Variants in SPAG16 observed in about 807,000 individuals in gnomAD.
The protein encoded by SPAG16 is sperm associated antigen 16.
A neutral mutation model predicts 80.4 loss-of-function variants in SPAG16; 86 were observed. The ratio of observed to expected loss-of-function variants is 1.07; its 90% CI spans 0.90 to 1.28. SPAG16 has a LOEUF of 1.28. Ranked by LOEUF, SPAG16 falls within the 50% of genes most tolerant of loss-of-function variation. The pLI is 0.00. For missense variants in SPAG16, 870 were observed against 765.3 expected, an observed-to-expected ratio of 1.14 and a Z score of -1.61; for synonymous variants, 294 against 265.9, an observed-to-expected ratio of 1.11 and a Z score of -1.03.
intron 15 of SPAG16, among the ~76,000 whole-genome samples, chr2:214,256,564 A>G (rs1690697673): frequency 4.6e-5 from 5 of 108,886 alleles, no homozygotes. Context: ...TCTGTATGTT[A>G]TAAATCTGGG....
intron 11 of SPAG16, among the ~76,000 whole-genome samples, chr2:213,880,402 A>G (rs1303546887): frequency 2.0e-5 from 3 of 152,134 alleles, no homozygotes; most frequent in Non-Finnish European, 2.9e-5. Flanking sequence ...ATTGTTTGAG[A>G]ATATTTTCTC....
Position 213,420,997 on chromosome 2 carries a change from A to G in SPAG16, c.942+45878A>G, listed in dbSNP as rs60271146. 9.2e-5 allele frequency among the ~76,000 whole-genome samples: 14 copies of G among 152,294 alleles called. 1 individual carries two copies. In the East Asian group the frequency reaches 2.5e-3, roughly 27 times the overall value. ...GGGGAGGTGTGGCCAGGGCTGCAGG[A>G]GAGTCACAGCTGGGGCTGCATCCTC... On this transcript the variant is annotated intron_variant, in intron 9 of 15. Transcript: ENST00000331683.
chr2:213,832,881 C>G (rs2073754956), intron 10 of SPAG16, among the ~76,000 whole-genome samples: 1 of 152,088 alleles, frequency 6.6e-6, no homozygotes, highest in African/African-American at 2.4e-5. Context: ...TTAAGAGAGT[C>G]AGCATGACCA....
At chr2:213,764,735 A>G (rs1218204402) in intron 10 of SPAG16, among the ~76,000 whole-genome samples, 1 of 152,160 alleles carries the variant, frequency 6.6e-6, no homozygotes, top group Admixed American at 6.5e-5. Context: ...AGAATATGGA[A>G]AAGATTATGA....
intron 15 of SPAG16, among the ~76,000 whole-genome samples, chr2:214,291,246 G>C (rs1028134756): frequency 1.4e-5 from 2 of 141,340 alleles, no homozygotes; most frequent in African/African-American, 5.3e-5. Context: ...GTCTATATAT[G>C]TCTTTGTAGG....
intron 13 of SPAG16, among the ~76,000 whole-genome samples, chr2:214,074,676 A>G (rs1260520336): frequency 6.6e-6 from 1 of 152,124 alleles, no homozygotes; most frequent in African/African-American, 2.4e-5. Flanking sequence ...AATATGAAGC[A>G]CTCCTGTAAG....
At chr2:213,350,701 T>C in intron 7 of SPAG16, 56 bp downstream of exon 7, 1 of 998,100 alleles carries the variant, frequency 1.0e-6, no homozygotes, top group Non-Finnish European at 1.5e-6. Context: ...TTTTTAATAA[T>C]ACAAGTAGAA....
chr2:214,012,288 A>ATATAT (rs1553694500), intron 12 of SPAG16, among the ~76,000 whole-genome samples: 6 of 46,806 alleles, frequency 1.3e-4, no homozygotes, highest in African/African-American at 2.5e-4. Context: ...ATATATATAT[A>ATATAT]TTTTTTTTTT....
intron 11 of SPAG16, among the ~76,000 whole-genome samples, chr2:213,904,301 A>G (rs1161538970): frequency 6.6e-6 from 1 of 152,184 alleles, no homozygotes; most frequent in Non-Finnish European, 1.5e-5. Context: ...GGACTTACAT[A>G]GTTCCACATG....
intron 10 of SPAG16, among the ~76,000 whole-genome samples, chr2:213,745,742 ATATCT>A (rs1456780321): frequency 3.3e-5 from 5 of 152,216 alleles, no homozygotes; most frequent in Non-Finnish European, 7.3e-5. Context: ...AATTATAAAA[ATATCT>A]TATAATAATC....
rs142330864 is a variant in SPAG16 at position 214,195,788 on chromosome 2, TA to T, written c.1720+46530del. Among the ~76,000 whole-genome samples, 194 of 151,840 alleles carry T rather than the reference TA, an allele frequency of 1.3e-3. 1 individual carries two copies. Among genetic ancestry groups the T allele is most frequent in the African/African-American group, 3.8e-3 (158 of 41,450 alleles). On this transcript the variant is annotated intron_variant, in intron 15 of 15. Transcript: ENST00000331683. ...CTATGAGAATCAGATGAAATTCAAG[TA>T]AAAAAAACTAGCTATGGAAGTCTAG...
At chr2:213,642,820 C>CAAAGAAAAAAAAAAAAAA (rs2062645299) in intron 10 of SPAG16, among the ~76,000 whole-genome samples, 1 of 1,138 alleles carries the variant, frequency 8.8e-4, no homozygotes, top group Non-Finnish European at 1.3e-3. Flanking sequence ...GACTCTGTCT[C>CAAAGAAAAAAAAAAAAAA]AAAAAAAAAA....
At chr2:213,438,166 C>A (rs1222648417) in intron 9 of SPAG16, among the ~76,000 whole-genome samples, 2 of 152,074 alleles carry the variant, frequency 1.3e-5, no homozygotes, top group Non-Finnish European at 2.9e-5. Flanking sequence ...TAGACAAGTA[C>A]TAGAAGGAAG....
intron 10 of SPAG16, among the ~76,000 whole-genome samples, chr2:213,840,840 G>T (rs2074328624): frequency 6.6e-6 from 1 of 152,138 alleles, no homozygotes. Context: ...TAGTGTCCTT[G>T]TTTGTGAACT....
chr2:214,086,287 A>G (rs1347322314), intron 13 of SPAG16, among the ~76,000 whole-genome samples: 1 of 152,188 alleles, frequency 6.6e-6, no homozygotes, highest in Non-Finnish European at 1.5e-5. Flanking sequence ...TCGAAACTTC[A>G]TAGTTCAAGA....
intron 10 of SPAG16, among the ~76,000 whole-genome samples, chr2:213,633,167 G>GT (rs1206371475): frequency 1.3e-5 from 2 of 152,070 alleles, no homozygotes; most frequent in African/African-American, 4.8e-5. Flanking sequence ...GTCAGTTCAG[G>GT]TTTTGGATTT....
chr2:214,027,392 T>A (rs2048187601), intron 13 of SPAG16, among the ~76,000 whole-genome samples: 1 of 151,718 alleles, frequency 6.6e-6, no homozygotes, highest in Non-Finnish European at 1.5e-5. Flanking sequence ...GCTTGGACAG[T>A]CTTTTCCTAT....
At chr2:213,670,618 A>C (rs1458624294) in intron 10 of SPAG16, among the ~76,000 whole-genome samples, 7 of 152,100 alleles carry the variant, frequency 4.6e-5, no homozygotes, top group Admixed American at 4.6e-4. Flanking sequence ...CTTAGGAAAA[A>C]TAAAAGATAA....
chr2:213,538,307 A>G (rs2076317235), intron 10 of SPAG16, among the ~76,000 whole-genome samples: 1 of 152,140 alleles, frequency 6.6e-6, no homozygotes, highest in African/African-American at 2.4e-5. Flanking sequence ...AATCAGGATT[A>G]GGTAGGATGT....
Sources: gnomAD v4.1 joint callset for allele counts (sites outside exome capture counted in the v4.1 genomes callset) on GRCh38, gnomAD v4.1.1 for gene constraint, MANE v1.5 for transcripts, NCBI Gene and HGNC (gene_info 2026-07-23, HGNC 2026-07-21) for gene names.